Variants in PTPRZ1 observed in about 807,000 individuals in gnomAD.
PTPRZ1 encodes receptor-type tyrosine-protein phosphatase zeta.
PTPRZ1 carries 82 observed loss-of-function variants against 214.1 expected under a neutral mutation model. The ratio of observed to expected loss-of-function variants is 0.38; its 90% CI spans 0.32 to 0.46. The LOEUF (loss-of-function observed/expected upper bound fraction) is 0.46, where lower values mean the gene tolerates loss of function less well. Ranked by LOEUF, PTPRZ1 falls within the 20% of genes least tolerant of loss-of-function variation. PTPRZ1 has a pLI of 1.00. For missense variants in PTPRZ1, 2,603 were observed against 2,748.7 expected, an observed-to-expected ratio of 0.95 and a Z score of 1.19; for synonymous variants, 945 against 987.9, an observed-to-expected ratio of 0.96 and a Z score of 0.81.
rs146035404 is a variant in PTPRZ1 at position 122,012,720 on chromosome 7, T to C, written c.3674T>C (p.Ile1225Thr). Residue 1225 changes from isoleucine (I) to threonine (T), a missense_variant, in exon 12 of 30, where the codon ATT becomes ACT. Coordinates refer to ENST00000393386, the MANE Select transcript of PTPRZ1 (RefSeq NM_002851.3). ...ATTAGTTCTACAATGTTGCATCTCA[T>C]TGTATCAAATTCTGCTTCAAGTGAA... ...DKISSTMLHL[I>T]VSNSASSENM... 1 of 1,608,638 alleles carries C rather than the reference T, an allele frequency of 6.2e-7. No homozygotes were observed. The highest frequency in any genetic ancestry group is 1.3e-5 in the African/African-American group (1 of 74,902).
rs565553532 is a variant in PTPRZ1 at position 121,900,087 on chromosome 7, A to C, written c.58+26530A>C. Among the ~76,000 whole-genome samples, 6 of 152,266 alleles carry C rather than the reference A, an allele frequency of 3.9e-5. No homozygotes were observed. The East Asian group carries it at 1.2e-3, about 30-fold the overall frequency. On this transcript the variant is annotated intron_variant, in intron 1 of 29. Transcript: ENST00000393386. The stretch of plus-strand genomic sequence containing the variant: ...GAACAGGGCACGAGAATAGGTATTG[A>C]AACCTGAGAGACAGGTTGAGAGCCT...
At position 122,016,118 on chromosome 7, in the gene PTPRZ1, C is replaced by G. The variant is rs538531859; in HGVS notation, c.4843+2229C>G. 6.0e-4 allele frequency among the ~76,000 whole-genome samples: 91 copies of G among 151,926 alleles called. 2 individuals are homozygous for G. The highest frequency in any genetic ancestry group is 3.1e-4 in the Non-Finnish European group (21 of 67,886). Reference sequence around the variant, plus strand: ...TATCCACAATTTATAAATGAGTACACTGACACCCAAAGATACTAGATTATT... The same window carrying G: ...TATCCACAATTTATAAATGAGTACAGTGACACCCAAAGATACTAGATTATT... On this transcript the variant is annotated intron_variant, in intron 12 of 29. Transcript: ENST00000393386.
intron 20 of PTPRZ1, among the ~76,000 whole-genome samples, chr7:122,040,181 A>G (rs575517013): frequency 6.6e-6 from 1 of 152,278 alleles, no homozygotes; most frequent in South Asian, 2.1e-4. Flanking sequence ...CACAATCCCA[A>G]TATTCAACTA....
chr7:121,897,462 G>A lies in PTPRZ1; in HGVS notation c.58+23905G>A, dbSNP rs1286831778. ...GTTCGAGGCTTTCTGCTGCCATGGT[G>A]CTTTCAGAGTATGGACATTTGTTCT... On this transcript the variant is annotated intron_variant, in intron 1 of 29. Coordinates refer to ENST00000393386, the MANE Select transcript of PTPRZ1 (RefSeq NM_002851.3). Among the ~76,000 whole-genome samples the A allele has an allele frequency of 4.6e-5, 7 of 152,138 alleles. No homozygotes were observed. In the East Asian group the frequency reaches 1.3e-3, roughly 29 times the overall value.
chr7:122,051,116 G>A (rs1792166977), intron 23 of PTPRZ1, among the ~76,000 whole-genome samples: 1 of 152,104 alleles, frequency 6.6e-6, no homozygotes, highest in Admixed American at 6.6e-5. Context: ...ACGTCTGTGT[G>A]AGATTTAAAT....
intron 1 of PTPRZ1, among the ~76,000 whole-genome samples, chr7:121,877,580 C>T (rs1293397568): frequency 3.3e-5 from 5 of 152,156 alleles, no homozygotes; most frequent in Non-Finnish European, 5.9e-5. Context: ...TTTAACTACT[C>T]ATTCACTAGA....
chr7:121,958,394 C>G (rs1199007117), intron 2 of PTPRZ1, among the ~76,000 whole-genome samples: 1 of 152,164 alleles, frequency 6.6e-6, no homozygotes, highest in African/African-American at 2.4e-5. Flanking sequence ...GTTTGCAATT[C>G]CCTTTCAGGC....
chr7:121,887,654 T>A (rs1249399845), intron 1 of PTPRZ1, among the ~76,000 whole-genome samples: 1 of 152,082 alleles, frequency 6.6e-6, no homozygotes, highest in Admixed American at 6.6e-5. Context: ...CAATAGTGAA[T>A]GCAGAAAAAG....
Position 121,873,574 on chromosome 7 carries a change from C to G in PTPRZ1, c.58+17C>G. The G allele has an allele frequency of 6.2e-7, 1 of 1,613,188 alleles. No homozygotes were observed. The highest frequency in any genetic ancestry group is 8.5e-7 in the Non-Finnish European group (1 of 1,179,860). On this transcript the variant is annotated intron_variant, in intron 1 of 29. Coordinates refer to ENST00000393386, the MANE Select transcript of PTPRZ1 (RefSeq NM_002851.3). ...GCCGCCTGGGTGAGTGAGAAGAGCT[C>G]GGTGGGGTTTCAGCTCCGGGATCGG...
intron 13 of PTPRZ1, among the ~76,000 whole-genome samples, chr7:122,023,429 C>T (rs570947698): frequency 6.8e-6 from 1 of 146,122 alleles, no homozygotes; most frequent in East Asian, 2.0e-4. Flanking sequence ...GCCAGCGAGG[C>T]ATGGTGGCTC....
Position 121,986,501 on chromosome 7 carries a change from T to C in PTPRZ1, c.928+2384T>C, listed in dbSNP as rs146398990. 2.2e-3 allele frequency among the ~76,000 whole-genome samples: 333 copies of C among 152,314 alleles called. 1 individual carries two copies. Among genetic ancestry groups the C allele is most frequent in the Non-Finnish European group, 3.3e-3 (224 of 68,016 alleles). On this transcript the variant is annotated intron_variant, in intron 8 of 29. Transcript: ENST00000393386. ...CTAAGGTCAAACACAGAAACAACAC[T>C]TTCTTAACTACTTGGTGTTTTGGGT...
chr7:122,044,701 C>T, intron 23 of PTPRZ1, 133 bp downstream of exon 23: 2 of 923,622 alleles, frequency 2.2e-6, no homozygotes, highest in Admixed American at 2.8e-5. Flanking sequence ...CATCGTTGTT[C>T]CTTACTGTGG....
At chr7:121,956,084 G>A (rs778131673) in intron 2 of PTPRZ1, among the ~76,000 whole-genome samples, 1 of 151,926 alleles carries the variant, frequency 6.6e-6, no homozygotes, top group Non-Finnish European at 1.5e-5. Flanking sequence ...CAGAACTTCC[G>A]GTTCTCTAGC....
At chr7:121,942,789 A>C (rs1052648055) in intron 2 of PTPRZ1, among the ~76,000 whole-genome samples, 10 of 152,350 alleles carry the variant, frequency 6.6e-5, no homozygotes, top group African/African-American at 2.4e-4. Flanking sequence ...GATCTAAGGA[A>C]CTATATTTAT....
intron 6 of PTPRZ1, 93 bp downstream of exon 6, chr7:121,976,944 T>C: frequency 1.0e-6 from 1 of 981,478 alleles, no homozygotes. Flanking sequence ...TTCCAAAAGG[T>C]GGAAAGTACT....
chr7:122,004,704 G>T, intron 11 of PTPRZ1, 44 bp downstream of exon 11: 1 of 1,129,868 alleles, frequency 8.9e-7, no homozygotes, highest in South Asian at 1.4e-5. Flanking sequence ...ATATTAAATG[G>T]TCTATTTTGA....
At position 122,038,892 on chromosome 7, in the gene PTPRZ1, A is replaced by T; in HGVS notation, c.5502+3A>T. On this transcript the variant is annotated splice_donor_region_variant and intron_variant, in intron 19 of 29. Transcript: ENST00000393386. ...CAAACCTCGTGGAGAAAGGAAGGGT[A>T]TGTAGATAATCTGTTATGTCACCCC... 6.2e-7 allele frequency: 1 copy of T among 1,613,730 alleles called. No individual in the cohort carries two copies. Among genetic ancestry groups the T allele is most frequent in the Non-Finnish European group, 8.5e-7 (1 of 1,179,766 alleles).
rs1163615172 is a variant in PTPRZ1 at position 122,011,128 on chromosome 7, T to G, written c.2082T>G (p.Ser694=). 6.2e-7 allele frequency: 1 copy of G among 1,614,048 alleles called. No homozygotes were observed. The highest frequency in any genetic ancestry group is 2.2e-5 in the East Asian group (1 of 44,892). The part of the protein sequence containing the change: ...DESEKTTKSF[S]AGPVMSQGPS... ...CTGAGAAGACAACCAAGTCCTTTTC[T>G]GCAGGCCCAGTGATGTCACAGGGTC... The change falls in exon 12 of 30, where the codon TCT becomes TCG. Residue 694 remains serine (S), a synonymous_variant. Transcript: ENST00000393386.
At position 122,010,541 on chromosome 7, in the gene PTPRZ1, T is replaced by C; in HGVS notation, c.1495T>C (p.Ser499Pro). The change falls in exon 12 of 30, where the codon TCT (serine) becomes CCT (proline). Residue 499 changes from serine (S) to proline (P), a missense_variant. By Grantham distance (74) the Ser-to-Pro change is moderately conservative. Around this residue, in one of 6 missense-constraint regions of PTPRZ1, gnomAD observed 1,913 missense variants for 1,914.3 expected, o/e 1.00. Transcript: ENST00000393386. ...FSGKGDVPNT[S>P]LNSTSQPVTK... ...TGGAAAGGGTGATGTTCCCAATACATCTTTAAATTCCACTTCCCAACCAGT... is the reference window on the plus strand; with the variant it reads ...TGGAAAGGGTGATGTTCCCAATACACCTTTAAATTCCACTTCCCAACCAGT... The C allele has an allele frequency of 6.2e-7, 1 of 1,613,544 alleles. No homozygotes were observed.
Sources: allele counts gnomAD v4.1 joint callset (sites outside exome capture counted in the v4.1 genomes callset), GRCh38; gene constraint gnomAD v4.1.1; regional missense constraint gnomAD v4.1.1; transcripts MANE v1.5; gene names NCBI Gene and HGNC (gene_info 2026-07-23, HGNC 2026-07-21).